The following FAM227A variants were observed in gnomAD, a reference collection of about 807,000 sequenced individuals.
The protein encoded by FAM227A is protein FAM227A.
In FAM227A, 80 loss-of-function variants were observed where a neutral mutation model predicts 74.7. The ratio of observed to expected loss-of-function variants is 1.07; its 90% CI spans 0.89 to 1.29. The LOEUF (loss-of-function observed/expected upper bound fraction) is 1.29. Among genes scored for constraint, FAM227A ranks in the 50% most tolerant of loss-of-function variants. FAM227A has a pLI of 0.00. For synonymous variants in FAM227A, 237 were observed against 241.8 expected, an observed-to-expected ratio of 0.98 and a Z score of 0.19; for missense variants, 654 against 683.4, an observed-to-expected ratio of 0.96 and a Z score of 0.48.
intron 15 of FAM227A, among the ~76,000 whole-genome samples, chr22:38,592,692 C>A (rs2090963647): frequency 6.6e-6 from 1 of 152,292 alleles, no homozygotes; most frequent in African/African-American, 2.4e-5. Context: ...TATGAACTTT[C>A]ATATCTACTG....
intron 16 of FAM227A, among the ~76,000 whole-genome samples, chr22:38,589,514 C>A (rs182974184): frequency 3.3e-5 from 5 of 152,182 alleles, no homozygotes; most frequent in Admixed American, 2.0e-4. Flanking sequence ...AAGCAAAATT[C>A]TCAGAATTGA....
intron 8 of FAM227A, among the ~76,000 whole-genome samples, chr22:38,626,865 C>CAAAAAAA (rs67498232): frequency 0.017 from 278 of 16,800 alleles, 82 homozygotes; most frequent in Middle Eastern, 0.045. Flanking sequence ...GACTCTGTCT[C>CAAAAAAA]AAAAAAAAAA....
intron 11 of FAM227A, among the ~76,000 whole-genome samples, chr22:38,611,594 A>G (rs550270404): frequency 6.6e-6 from 1 of 152,248 alleles, no homozygotes; most frequent in Non-Finnish European, 1.5e-5. Context: ...TTTGTGGATA[A>G]AAACATTGAG....
chr22:38,626,891 A>AAAAAAAATATATAT (rs1555966996), intron 8 of FAM227A, among the ~76,000 whole-genome samples: 6 of 57,690 alleles, frequency 1.0e-4, no homozygotes, highest in African/African-American at 4.4e-4. Context: ...AAAAAAAAAA[A>AAAAAAAATATATAT]ATATATATAT....
chr22:38,635,572 G>A (rs2091988124), intron 6 of FAM227A, among the ~76,000 whole-genome samples: 1 of 152,150 alleles, frequency 6.6e-6, no homozygotes, highest in Non-Finnish European at 1.5e-5. Context: ...GTTCCTCTGG[G>A]CCTTAGAATA....
chr22:38,582,874 A>G lies in FAM227A; in HGVS notation c.*3251T>C. 1 of 1,550,526 alleles carries G rather than the reference A, an allele frequency of 6.4e-7. No individual in the cohort carries two copies. Among genetic ancestry groups the G allele is most frequent in the Non-Finnish European group, 8.7e-7 (1 of 1,146,982 alleles). On this transcript the variant is annotated 3_prime_UTR_variant, in exon 17 of 17. Coordinates refer to ENST00000535113, the MANE Select transcript of FAM227A (RefSeq NM_001013647.2). ...CACTTGTGCCTACCTTGCTCCTGGTATATTAGGGAAGGCTCCCAAGATGAG... is the reference window on the plus strand; with the variant it reads ...CACTTGTGCCTACCTTGCTCCTGGTGTATTAGGGAAGGCTCCCAAGATGAG...
Position 38,591,529 on chromosome 22 carries a change from T to G in FAM227A, c.1544A>C (p.Asn515Thr). The stretch of plus-strand genomic sequence containing the variant: ...TGTATCTGCTGCTTTTGGATCAATA[T>G]TCTTCATTTCCCTGGGAGGAAAACA... ...LQDNFSREMK[N>T]IDPKAADTKK... The change falls in exon 16 of 17, where the codon AAT (asparagine) becomes ACT (threonine). Residue 515 changes from asparagine to threonine, a missense_variant. By Grantham distance (65) the Asn-to-Thr change is moderately conservative. Transcript: ENST00000535113. 6.5e-7 allele frequency: 1 copy of G among 1,542,126 alleles called. No homozygotes were observed. Among genetic ancestry groups the G allele is most frequent in the Non-Finnish European group, 8.7e-7 (1 of 1,143,866 alleles).
Position 38,597,335 on chromosome 22 carries a change from A to G in FAM227A, c.1401T>C (p.Thr467=). 1 of 1,551,832 alleles carries G rather than the reference A, an allele frequency of 6.4e-7. No homozygotes were observed. Among genetic ancestry groups the G allele is most frequent in the Non-Finnish European group, 8.7e-7 (1 of 1,147,038 alleles). ...TSTPDCTPTY[T]DVISETLCSM... ...TGCACAGGGTCTCGCTGATGACATC[A>G]GTATACGTTGGGGTGCAGTCAGTGG... The change falls in exon 15 of 17, where the codon ACT becomes ACC. Residue 467 remains threonine, a synonymous_variant. Coordinates refer to ENST00000535113, the MANE Select transcript of FAM227A (RefSeq NM_001013647.2).
chr22:38,641,458 G>GA (rs2092111717), intron 3 of FAM227A, among the ~76,000 whole-genome samples: 1 of 151,628 alleles, frequency 6.6e-6, no homozygotes, highest in African/African-American at 2.4e-5. Context: ...GGCTGAGGCA[G>GA]GAGAATTGCT....
chr22:38,647,158 TAAAATA>T (rs2092254619), intron 2 of FAM227A, among the ~76,000 whole-genome samples: 1 of 56,324 alleles, frequency 1.8e-5, no homozygotes, highest in Non-Finnish European at 4.3e-5. Flanking sequence ...CAAAAATAAA[TAAAATA>T]AAACAAAACA....
chr22:38,599,583 T>C (rs1026886240), intron 14 of FAM227A, among the ~76,000 whole-genome samples, 181 bp downstream of exon 14: 3 of 152,120 alleles, frequency 2.0e-5, no homozygotes, highest in African/African-American at 4.8e-5. Context: ...GGCTCTAGAT[T>C]TGGAACTAAG....
At chr22:38,620,098 C>T in intron 11 of FAM227A, 114 bp downstream of exon 11, 2 of 707,846 alleles carry the variant, frequency 2.8e-6, no homozygotes, top group Non-Finnish European at 4.8e-6. Flanking sequence ...TGGACCTGGG[C>T]AAGGGGTACA....
intron 6 of FAM227A, among the ~76,000 whole-genome samples, chr22:38,633,681 A>G (rs1271577086): frequency 6.6e-6 from 1 of 152,048 alleles, no homozygotes; most frequent in Non-Finnish European, 1.5e-5. Flanking sequence ...AGCTGGGATT[A>G]CAGGTGTGTG....
At chr22:38,628,548 C>CGGCA (rs1449304719) in intron 7 of FAM227A, among the ~76,000 whole-genome samples, 14 of 152,292 alleles carry the variant, frequency 9.2e-5, no homozygotes, top group Non-Finnish European at 2.9e-5. Flanking sequence ...CTGTTGAAGA[C>CGGCA]GGCACCCTAA....
chr22:38,605,065 C>G (rs1037517622), intron 13 of FAM227A, among the ~76,000 whole-genome samples, 189 bp downstream of exon 13: 1 of 152,072 alleles, frequency 6.6e-6, no homozygotes, highest in Non-Finnish European at 1.5e-5. Context: ...CATTAATAAA[C>G]TGGAGAATAA....
chr22:38,636,448 C>A lies in FAM227A; in HGVS notation c.519+3G>T. On this transcript the variant is annotated splice_donor_region_variant and intron_variant, in intron 6 of 16. Transcript: ENST00000535113. ...CTCAGGGCAGGCACTGCTTTTTCCT[C>A]ACCTTGCCACTAAGGCAGTCTCTCT... 1 of 1,550,334 alleles carries A rather than the reference C, an allele frequency of 6.5e-7. No individual in the cohort carries two copies. Among genetic ancestry groups the A allele is most frequent in the Non-Finnish European group, 8.7e-7 (1 of 1,146,562 alleles).
chr22:38,598,940 C>G (rs970782038), intron 14 of FAM227A, among the ~76,000 whole-genome samples: 1 of 151,328 alleles, frequency 6.6e-6, no homozygotes, highest in Non-Finnish European at 1.5e-5. Flanking sequence ...CCAATATAGG[C>G]CACACTTGTT....
Position 38,585,991 on chromosome 22 carries a change from T to C in FAM227A, c.*134A>G. ...CCTAGGAAAAACTACAACGGAATCC[T>C]TCCCCTATGGAGAAATCATGATTCC... On this transcript the variant is annotated 3_prime_UTR_variant, in exon 17 of 17. Transcript: ENST00000535113. 2.6e-6 allele frequency: 4 copies of C among 1,526,422 alleles called. No homozygotes were observed. The highest frequency in any genetic ancestry group is 3.5e-6 in the Non-Finnish European group (4 of 1,134,452). 94.6% of individuals were successfully genotyped at this position (1,526,422 alleles called of 1,614,324 possible).
rs1422097180 is a variant in FAM227A at position 38,613,254 on chromosome 22, CAT to C, written c.1039-5780_1039-5779del. 8.3e-4 allele frequency among the ~76,000 whole-genome samples: 56 copies of C among 67,662 alleles called. 2 individuals are homozygous for C. The highest frequency in any genetic ancestry group is 1.4e-3 in the South Asian group (4 of 2,790). 44.4% of individuals were successfully genotyped at this position (67,662 alleles called of 152,430 possible). On this transcript the variant is annotated intron_variant, in intron 11 of 16. Coordinates refer to ENST00000535113, the MANE Select transcript of FAM227A (RefSeq NM_001013647.2). Reference sequence around the variant, plus strand: ...TATATATATAATATATAATATATAACATATATTATAACATATATTATATATCA... The same window carrying C: ...TATATATATAATATATAATATATAACATATTATAACATATATTATATATCA...
Sources: allele counts gnomAD v4.1 joint callset (sites outside exome capture counted in the v4.1 genomes callset), GRCh38; gene constraint gnomAD v4.1.1; transcripts MANE v1.5; gene names NCBI Gene and HGNC (gene_info 2026-07-23, HGNC 2026-07-21).